Variants in SRGAP3 observed in about 807,000 individuals in gnomAD.
SRGAP3 encodes SLIT-ROBO Rho GTPase activating protein 3.
A neutral mutation model predicts 121.1 loss-of-function variants in SRGAP3; 39 were observed. The ratio of observed to expected loss-of-function variants is 0.32; its 90% CI spans 0.25 to 0.42. The LOEUF (loss-of-function observed/expected upper bound fraction) is 0.42, where lower values mean the gene tolerates loss of function less well. Ranked by LOEUF, SRGAP3 falls within the 10% of genes least tolerant of loss-of-function variation. The probability of loss-of-function intolerance (pLI) is 1.00; values close to 1 mark genes in which losing one functional copy is unlikely to be tolerated. For missense variants in SRGAP3, 1,213 were observed against 1,470.6 expected, an observed-to-expected ratio of 0.82 and a Z score of 2.86; for synonymous variants, 601 against 570.0, an observed-to-expected ratio of 1.05 and a Z score of -0.77.
At chr3:9,331,797 G>A (rs1955611812) in intron 1 of SRGAP3, among the ~76,000 whole-genome samples, 1 of 152,172 alleles carries the variant, frequency 6.6e-6, no homozygotes, top group South Asian at 2.1e-4. Flanking sequence ...CACATGGAGA[G>A]AGGCCTAGAC....
At chr3:9,093,316 G>A (rs1032850609) in intron 3 of SRGAP3, among the ~76,000 whole-genome samples, 3 of 151,998 alleles carry the variant, frequency 2.0e-5, no homozygotes, top group African/African-American at 7.3e-5. Flanking sequence ...GTTTGCATTG[G>A]CATTTCAAAA....
intron 3 of SRGAP3, among the ~76,000 whole-genome samples, chr3:9,318,044 C>A (rs1263291689): frequency 6.6e-6 from 1 of 151,982 alleles, no homozygotes; most frequent in Non-Finnish European, 1.5e-5. Context: ...ACTAGAGTGG[C>A]AAATATATAA....
intron 3 of SRGAP3, among the ~76,000 whole-genome samples, chr3:9,278,232 T>C (rs1559256598): frequency 6.6e-6 from 1 of 152,190 alleles, no homozygotes; most frequent in Non-Finnish European, 1.5e-5. Flanking sequence ...CTCAGGCCCT[T>C]TCCATTGTGT....
intron 3 of SRGAP3, among the ~76,000 whole-genome samples, chr3:9,268,625 C>A (rs1954415091): frequency 6.6e-6 from 1 of 152,110 alleles, no homozygotes; most frequent in Admixed American, 6.6e-5. Flanking sequence ...AAGAGACCCA[C>A]AAGCCGAGGA....
intron 3 of SRGAP3, among the ~76,000 whole-genome samples, chr3:9,280,699 C>T (rs75548721): frequency 0.03 from 4,586 of 152,234 alleles, 92 homozygotes; most frequent in South Asian, 0.052. Flanking sequence ...TCTGCAATGC[C>T]GGATATGACA....
At chr3:9,052,945 C>T in intron 9 of SRGAP3, 82 bp downstream of exon 9, 1 of 1,522,900 alleles carries the variant, frequency 6.6e-7, no homozygotes, top group Non-Finnish European at 9.1e-7. Flanking sequence ...TTCTCTGGTT[C>T]TCAGTAGCTT....
intron 6 of SRGAP3, chr3:9,059,529 C>A (rs1352338445): frequency 6.5e-6 from 1 of 153,922 alleles, no homozygotes; most frequent in African/African-American, 2.4e-5. Context: ...TAAACATGGA[C>A]AGGGCCAGCT....
intron 1 of SRGAP3, among the ~76,000 whole-genome samples, chr3:9,360,523 T>G (rs866771723): frequency 1.3e-5 from 2 of 152,230 alleles, no homozygotes; most frequent in African/African-American, 2.4e-5. Flanking sequence ...TAGTCCATTT[T>G]CACACTGCTG....
At chr3:8,986,817 G>A (rs981783992) in intron 21 of SRGAP3, among the ~76,000 whole-genome samples, 2 of 152,204 alleles carry the variant, frequency 1.3e-5, no homozygotes, top group African/African-American at 4.8e-5. Context: ...ATATCTGAGA[G>A]CTCATCAGGA....
chr3:9,351,421 G>T (rs2030140817), intron 1 of SRGAP3, among the ~76,000 whole-genome samples: 1 of 152,154 alleles, frequency 6.6e-6, no homozygotes. Context: ...GTTGGTGGAA[G>T]ATCTAGGACC....
At chr3:9,240,877 G>A (rs1489233947) in intron 1 of SRGAP3, among the ~76,000 whole-genome samples, 1 of 152,148 alleles carries the variant, frequency 6.6e-6, no homozygotes, top group African/African-American at 2.4e-5. Flanking sequence ...CCTGGGGTGG[G>A]ATTGAAGGGA....
Position 8,985,339 on chromosome 3 carries a change from C to A in SRGAP3, c.*180G>T. On this transcript the variant is annotated 3_prime_UTR_variant, in exon 22 of 22. Coordinates refer to ENST00000383836, the MANE Select transcript of SRGAP3 (RefSeq NM_014850.4). This position sits in a 1 kb window ranked among gnomAD's most constrained non-coding sequence, Gnocchi z 5.1. The stretch of plus-strand genomic sequence containing the variant: ...TGACACGCGAGAGGTCCGTGGGATT[C>A]CCATGGCTGGACGTGAGCTGCAGCC... 7.4e-7 allele frequency: 1 copy of A among 1,343,458 alleles called. No homozygotes were observed. Among genetic ancestry groups the A allele is most frequent in the South Asian group, 1.5e-5 (1 of 64,532 alleles). 83.2% of individuals were successfully genotyped at this position (1,343,458 alleles called of 1,614,324 possible).
chr3:9,282,122 A>T (rs908520499), intron 3 of SRGAP3, among the ~76,000 whole-genome samples: 1 of 152,188 alleles, frequency 6.6e-6, no homozygotes, highest in Non-Finnish European at 1.5e-5. Flanking sequence ...AATCTTTTCC[A>T]CTAAGGTCAT....
In SRGAP3 at chr3:8,983,241, C is replaced by G. The variant is rs1429441679; in HGVS notation, c.*2278G>C. 1.3e-5 allele frequency: 3 copies of G among 227,272 alleles called. No individual in the cohort carries two copies. The highest frequency in any genetic ancestry group is 2.6e-5 in the Non-Finnish European group (3 of 114,422). The allele number at this position is 227,272 out of a possible 1,614,324, so 14.1% of individuals were successfully genotyped here. ...TCACAGCACAGCCCAAGGCCTTACT[C>G]TCTTAAGCTGTAAAATGGCAATATC... is the stretch of plus-strand genomic sequence containing the variant. On this transcript the variant is annotated 3_prime_UTR_variant, in exon 22 of 22. Transcript: ENST00000383836.
At chr3:9,090,097 C>T (rs759975418) in intron 3 of SRGAP3, among the ~76,000 whole-genome samples, 2 of 152,080 alleles carry the variant, frequency 1.3e-5, no homozygotes, top group Non-Finnish European at 1.5e-5. Context: ...AAAATACTAA[C>T]GTAATCCATG....
chr3:9,187,187 CCT>C (rs1951623209), intron 1 of SRGAP3, among the ~76,000 whole-genome samples: 1 of 151,300 alleles, frequency 6.6e-6, no homozygotes, highest in Non-Finnish European at 1.5e-5. Context: ...CGTTCAACTC[CCT>C]CTTATGAGTG....
intron 4 of SRGAP3, among the ~76,000 whole-genome samples, chr3:9,067,663 G>C (rs1038387612): frequency 1.3e-5 from 2 of 152,202 alleles, no homozygotes; most frequent in African/African-American, 4.8e-5. Flanking sequence ...CGGCGGGAGG[G>C]AGAGCATCAG....
At chr3:9,339,857 A>G (rs190257704) in intron 1 of SRGAP3, among the ~76,000 whole-genome samples, 1 of 152,250 alleles carries the variant, frequency 6.6e-6, no homozygotes, top group African/African-American at 2.4e-5. Flanking sequence ...CCTCAGGTAA[A>G]ATCCTTATTT....
intron 4 of SRGAP3, among the ~76,000 whole-genome samples, chr3:9,076,452 G>GAGA (rs35429486): frequency 0.73 from 110,372 of 151,768 alleles, 40,613 homozygotes; most frequent in African/African-American, 0.85. Flanking sequence ...TGGCAACAAA[G>GAGA]AGGAGAGCCA....
Sources: allele counts gnomAD v4.1 joint callset (sites outside exome capture counted in the v4.1 genomes callset), GRCh38; gene constraint gnomAD v4.1.1; non-coding constraint Gnocchi (gnomAD v3.1); transcripts MANE v1.5; gene names NCBI Gene and HGNC (gene_info 2026-07-23, HGNC 2026-07-21).